Variants in SPOCK3 observed in about 807,000 individuals in gnomAD.
SPOCK3 encodes testican-3.
Under a neutral mutation model 56.6 loss-of-function variants are expected in SPOCK3, and 30 were observed. The observed-to-expected ratio is 0.53, with a 90% CI of 0.40 to 0.72. The LOEUF (loss-of-function observed/expected upper bound fraction) is 0.72. Ranked by LOEUF, SPOCK3 falls within the 30% of genes least tolerant of loss-of-function variation. SPOCK3 has a pLI of 0.00. For missense variants in SPOCK3, 527 were observed against 530.0 expected, an observed-to-expected ratio of 0.99 and a Z score of 0.06; for synonymous variants, 196 against 183.3, an observed-to-expected ratio of 1.07 and a Z score of -0.56.
chr4:167,027,174 G>A (rs1309473670), intron 3 of SPOCK3, among the ~76,000 whole-genome samples: 1 of 151,868 alleles, frequency 6.6e-6, no homozygotes, highest in East Asian at 1.9e-4. Flanking sequence ...CTTCTAATAT[G>A]ACACTGTAAC....
chr4:166,803,284 C>T (rs1169611879), intron 6 of SPOCK3, among the ~76,000 whole-genome samples: 1 of 152,088 alleles, frequency 6.6e-6, no homozygotes, highest in Non-Finnish European at 1.5e-5. Flanking sequence ...ATTTCTGAAA[C>T]TTTGATTCAT....
chr4:166,852,154 T>C (rs7440741), intron 6 of SPOCK3, among the ~76,000 whole-genome samples: 2 of 151,390 alleles, frequency 1.3e-5, no homozygotes, highest in East Asian at 2.0e-4. Flanking sequence ...TTGTGGGTTG[T>C]GGGGAGGGGG....
At chr4:166,743,042 G>A (rs1735066304) in intron 8 of SPOCK3, among the ~76,000 whole-genome samples, 1 of 152,072 alleles carries the variant, frequency 6.6e-6, no homozygotes, top group Non-Finnish European at 1.5e-5. Flanking sequence ...TGATTTTGGT[G>A]TTCACAAGTG....
intron 7 of SPOCK3, among the ~76,000 whole-genome samples, chr4:166,771,823 A>C (rs1738965650): frequency 6.6e-6 from 1 of 152,078 alleles, no homozygotes; most frequent in African/African-American, 2.4e-5. Flanking sequence ...TAAACTGTCA[A>C]GGTTGTTTAC....
chr4:167,148,518 C>A (rs1440909097), intron 2 of SPOCK3, among the ~76,000 whole-genome samples: 1 of 152,058 alleles, frequency 6.6e-6, no homozygotes, highest in African/African-American at 2.4e-5. Flanking sequence ...CTACCACTTA[C>A]CTGTTTAGTC....
At chr4:167,105,692 C>T (rs536651665) in intron 2 of SPOCK3, among the ~76,000 whole-genome samples, 15 of 151,186 alleles carry the variant, frequency 9.9e-5, no homozygotes, top group South Asian at 8.3e-4. Flanking sequence ...TATAGAATGG[C>T]TGAATGGATT....
At chr4:167,185,699 T>G (rs1461338479) in intron 2 of SPOCK3, among the ~76,000 whole-genome samples, 1 of 152,186 alleles carries the variant, frequency 6.6e-6, no homozygotes, top group Non-Finnish European at 1.5e-5. Flanking sequence ...GTTCACTATA[T>G]TTTAGCATAA....
At chr4:167,038,138 T>G (rs975824803) in intron 3 of SPOCK3, among the ~76,000 whole-genome samples, 1 of 152,158 alleles carries the variant, frequency 6.6e-6, no homozygotes, top group Admixed American at 6.5e-5. Context: ...TACAGCATGA[T>G]GTACCAACTT....
intron 2 of SPOCK3, among the ~76,000 whole-genome samples, chr4:167,167,886 G>T (rs907436287): frequency 6.6e-6 from 1 of 152,070 alleles, no homozygotes. Flanking sequence ...AGCTTGAATT[G>T]TAATAACCCC....
At chr4:167,003,195 T>C (rs1661360962) in intron 3 of SPOCK3, among the ~76,000 whole-genome samples, 1 of 152,002 alleles carries the variant, frequency 6.6e-6, no homozygotes, top group Admixed American at 6.6e-5. Context: ...ACAGTGAAAA[T>C]AGAACAAATT....
At chr4:167,016,808 C>T (rs964118028) in intron 3 of SPOCK3, among the ~76,000 whole-genome samples, 1 of 152,098 alleles carries the variant, frequency 6.6e-6, no homozygotes, top group African/African-American at 2.4e-5. Context: ...TCTCAAAATG[C>T]TGAGATTACA....
chr4:166,831,632 T>C (rs562708095), intron 6 of SPOCK3, among the ~76,000 whole-genome samples: 4 of 152,020 alleles, frequency 2.6e-5, no homozygotes, highest in South Asian at 2.1e-4. Flanking sequence ...ACATCTATGG[T>C]TATAATGGTA....
At chr4:166,951,124 T>G (rs1742556077) in intron 4 of SPOCK3, among the ~76,000 whole-genome samples, 1 of 143,820 alleles carries the variant, frequency 7.0e-6, no homozygotes, top group South Asian at 2.2e-4. Context: ...AAAAAACCCT[T>G]CAGAAAATTA....
intron 2 of SPOCK3, among the ~76,000 whole-genome samples, chr4:167,222,631 GATAT>G (rs1476658965): frequency 7.4e-6 from 1 of 134,930 alleles, no homozygotes. Flanking sequence ...TATAAACATA[GATAT>G]ATATTATATA....
intron 2 of SPOCK3, among the ~76,000 whole-genome samples, chr4:167,127,922 T>G (rs1052275646): frequency 1.2e-4 from 19 of 152,218 alleles, no homozygotes; most frequent in Non-Finnish European, 2.6e-4. Flanking sequence ...GTGACAACAG[T>G]CAGAGGAAGA....
chr4:166,975,239 C>A lies in SPOCK3; in HGVS notation c.350+25110G>T, dbSNP rs182912419. ...TCATGTATCCAGATGTATTCAGTTA[C>A]AGCAACAGAAAGCAGACTAAGACAA... is the stretch of plus-strand genomic sequence containing the variant. On this transcript the variant is annotated intron_variant, in intron 4 of 10. Transcript: ENST00000357545. 2.6e-4 allele frequency among the ~76,000 whole-genome samples: 39 copies of A among 152,284 alleles called. No individual in the cohort carries two copies. In the East Asian group the frequency reaches 4.4e-3, roughly 17 times the overall value.
rs561376647 is a variant in SPOCK3 at position 166,774,014 on chromosome 4, C to T, written c.709+18156G>A. On this transcript the variant is annotated intron_variant, in intron 7 of 10. Coordinates refer to ENST00000357545, the MANE Select transcript of SPOCK3 (RefSeq NM_001040159.2). ...ATTTGTTCATCTCAGCTTTCAGTAACAAAAAGTTGTATTGTCCTTGTAAGG... is the reference window on the plus strand; with the variant it reads ...ATTTGTTCATCTCAGCTTTCAGTAATAAAAAGTTGTATTGTCCTTGTAAGG... Among the ~76,000 whole-genome samples the T allele has an allele frequency of 6.6e-5, 10 of 152,202 alleles. No homozygotes were observed. In the East Asian group the frequency reaches 1.9e-3, roughly 29 times the overall value.
At chr4:166,819,049 G>A (rs2126753453) in intron 6 of SPOCK3, among the ~76,000 whole-genome samples, 1 of 151,966 alleles carries the variant, frequency 6.6e-6, no homozygotes, top group South Asian at 2.1e-4. Context: ...AAACAATAAA[G>A]CAAATCCAAA....
intron 7 of SPOCK3, among the ~76,000 whole-genome samples, chr4:166,768,123 G>A (rs879012637): frequency 1.3e-5 from 2 of 151,920 alleles, no homozygotes; most frequent in Non-Finnish European, 2.9e-5. Context: ...GCACACTGAT[G>A]GGTCTTGACT....
Sources: allele counts gnomAD v4.1 joint callset (sites outside exome capture counted in the v4.1 genomes callset), GRCh38; gene constraint gnomAD v4.1.1; transcripts MANE v1.5; gene names NCBI Gene and HGNC (gene_info 2026-07-23, HGNC 2026-07-21).